The following CD200R1 variants were observed in gnomAD, a reference collection of about 807,000 sequenced individuals.
CD200R1 encodes the protein CD200 receptor 1.
A neutral mutation model predicts 38.1 loss-of-function variants in CD200R1; 30 were observed. The ratio of observed to expected loss-of-function variants is 0.79; its 90% CI spans 0.59 to 1.07. The LOEUF (loss-of-function observed/expected upper bound fraction) is 1.07, where lower values mean the gene tolerates loss of function less well. CD200R1 is among the 50% of genes least tolerant of loss of function. The pLI is 0.00. For missense variants in CD200R1, 372 were observed against 415.4 expected (o/e 0.90, Z 0.91); for synonymous variants, 128 against 152.1 (o/e 0.84, Z 1.16).
chr3:112,962,304 C>A (rs970930283), intron 1 of CD200R1, among the ~76,000 whole-genome samples: 1 of 151,976 alleles, frequency 6.6e-6, no homozygotes, highest in Non-Finnish European at 1.5e-5. Context: ...TCACAAAGGA[C>A]AATACATTCA....
Position 112,929,015 on chromosome 3 carries a change from G to A in CD200R1, c.570C>T (p.Cys190=). The stretch of plus-strand genomic sequence containing the variant: ...CAGCTGGCTTCCCTGCAACTGCCTT[G>A]CATACTGCAGTTCTATTCCTGTTTT... The part of the protein sequence containing the change: ...LFQNRNRTAV[C]KAVAGKPAAH... Residue 190 remains cysteine (C), a synonymous_variant, in exon 5 of 8, where the codon TGC becomes TGT. Transcript: ENST00000308611. The A allele has an allele frequency of 6.2e-7, 1 of 1,613,946 alleles. No homozygotes were observed. Among genetic ancestry groups the A allele is most frequent in the Non-Finnish European group, 8.5e-7 (1 of 1,180,010 alleles).
chr3:112,928,850 A>C lies in CD200R1; in HGVS notation c.735T>G (p.Thr245=). The part of the protein sequence containing the change: ...STVTCHVSHL[T]GNKSLYIELL... ...GCTCTATGTACAGACTCTTGTTGCC[A>C]GTCAAATGGGAGACGTGGCAGGTCA... The change falls in exon 5 of 8, where the codon ACT becomes ACG. Residue 245 remains threonine (T), a synonymous_variant. Coordinates refer to ENST00000308611, the MANE Select transcript of CD200R1 (RefSeq NM_138806.4). The C allele has an allele frequency of 6.2e-7, 1 of 1,613,764 alleles. No homozygotes were observed. The highest frequency in any genetic ancestry group is 8.5e-7 in the Non-Finnish European group (1 of 1,179,934).
At chr3:112,959,145 T>C (rs1033054854) in intron 1 of CD200R1, among the ~76,000 whole-genome samples, 1 of 152,172 alleles carries the variant, frequency 6.6e-6, no homozygotes, top group Non-Finnish European at 1.5e-5. Flanking sequence ...TAAAAACCCC[T>C]AATTCGGTAA....
chr3:112,938,310 T>G (rs1380744131), intron 2 of CD200R1, among the ~76,000 whole-genome samples: 1 of 152,054 alleles, frequency 6.6e-6, no homozygotes, highest in Non-Finnish European at 1.5e-5. Context: ...CCATTCAGTA[T>G]GATATGAGCT....
chr3:112,947,262 T>G (rs961892218), intron 2 of CD200R1, among the ~76,000 whole-genome samples: 1 of 152,170 alleles, frequency 6.6e-6, no homozygotes, highest in Non-Finnish European at 1.5e-5. Context: ...TGACCTCTAA[T>G]GCAAACTTTG....
intron 2 of CD200R1, among the ~76,000 whole-genome samples, chr3:112,938,610 G>A (rs561423053): frequency 6.6e-6 from 1 of 152,070 alleles, no homozygotes; most frequent in East Asian, 1.9e-4. Context: ...AATTAGTAAT[G>A]AAAAGTCTCC....
chr3:112,938,975 G>A (rs1423744216), intron 2 of CD200R1, among the ~76,000 whole-genome samples: 2 of 151,884 alleles, frequency 1.3e-5, no homozygotes, highest in East Asian at 1.9e-4. Flanking sequence ...TATGCAAATC[G>A]ATATTTGTGA....
intron 2 of CD200R1, among the ~76,000 whole-genome samples, chr3:112,946,888 G>C (rs1940875266): frequency 6.6e-6 from 1 of 151,910 alleles, no homozygotes; most frequent in Non-Finnish European, 1.5e-5. Context: ...CAGCCAAGAT[G>C]TCTTTTACCA....
At chr3:112,933,023 T>C (rs1200421427) in intron 2 of CD200R1, among the ~76,000 whole-genome samples, 1 of 152,074 alleles carries the variant, frequency 6.6e-6, no homozygotes, top group Non-Finnish European at 1.5e-5. Context: ...GACTGACAGA[T>C]TGTGCATTCA....
At chr3:112,951,542 CATT>C (rs1576144662) in intron 1 of CD200R1, among the ~76,000 whole-genome samples, 1 of 151,810 alleles carries the variant, frequency 6.6e-6, no homozygotes, top group East Asian at 1.9e-4. Flanking sequence ...TTAAAAAACA[CATT>C]ATGAAATTTT....
chr3:112,958,053 T>G (rs1941141549), intron 1 of CD200R1, among the ~76,000 whole-genome samples: 1 of 152,120 alleles, frequency 6.6e-6, no homozygotes, highest in Non-Finnish European at 1.5e-5. Flanking sequence ...TAAAATAATG[T>G]AAACTACACT....
rs539692081 is a variant in CD200R1, at chr3:112,965,223, AT to A, written c.67+9567del. 1.4e-3 allele frequency among the ~76,000 whole-genome samples: 217 copies of A among 152,346 alleles called. 2 individuals carry two copies. The highest frequency in any genetic ancestry group is 4.8e-3 in the African/African-American group (201 of 41,582). Reference sequence around the variant, plus strand: ...AACCTAAGAATTAAGAAGCTTTGTGATTTGGTAACAAGAAGATCATCAGTGA... The same window carrying A: ...AACCTAAGAATTAAGAAGCTTTGTGATTGGTAACAAGAAGATCATCAGTGA... On this transcript the variant is annotated intron_variant, in intron 1 of 7. Transcript: ENST00000308611.
intron 5 of CD200R1, among the ~76,000 whole-genome samples, chr3:112,926,623 A>T (rs112178204): frequency 0.01 from 1,597 of 152,284 alleles, 21 homozygotes; most frequent in South Asian, 0.03. Flanking sequence ...ACACATAACC[A>T]AGGCACAACT....
chr3:112,966,687 T>G (rs1448563125), intron 1 of CD200R1, among the ~76,000 whole-genome samples: 3 of 152,212 alleles, frequency 2.0e-5, no homozygotes, highest in African/African-American at 4.8e-5. Flanking sequence ...GGAAAAATAT[T>G]TCTTCCAAAT....
chr3:112,954,300 G>T (rs1184041076), intron 1 of CD200R1, among the ~76,000 whole-genome samples: 1 of 152,028 alleles, frequency 6.6e-6, no homozygotes, highest in Non-Finnish European at 1.5e-5. Context: ...ATGTTGGAGG[G>T]GATACTTGAT....
At position 112,929,265 on chromosome 3, in the gene CD200R1, G is replaced by A. The variant is rs776126794; in HGVS notation, c.445C>T (p.His149Tyr). The A allele has an allele frequency of 2.5e-6, 4 of 1,614,054 alleles. No homozygotes were observed. In the African/African-American group the frequency reaches 4.0e-5, roughly 16 times the overall value. Residue 149 changes from histidine to tyrosine, a missense_variant, in exon 4 of 8, where the codon CAT becomes TAT. His to Tyr is a moderately conservative substitution (Grantham distance 83). Coordinates refer to ENST00000308611, the MANE Select transcript of CD200R1 (RefSeq NM_138806.4). ...DLQIRTVAITHDGYYRCIMVT... is the reference protein window; with the variant it reads ...DLQIRTVAITYDGYYRCIMVT... The stretch of plus-strand genomic sequence containing the variant: ...ATTATGCATCTGTAATACCCGTCAT[G>A]AGTGATGGCCACGGTACGAATCTGA...
chr3:112,948,613 G>A (rs760749251), intron 1 of CD200R1, among the ~76,000 whole-genome samples: 7 of 152,268 alleles, frequency 4.6e-5, no homozygotes, highest in Non-Finnish European at 7.4e-5. Flanking sequence ...AGCTCAGGCC[G>A]CAATTCTCAC....
rs1940784792 is a variant in CD200R1, at chr3:112,943,998, TTAA to T, written c.136+3855_136+3857del. 2.6e-5 allele frequency among the ~76,000 whole-genome samples: 4 copies of T among 151,924 alleles called. No homozygotes were observed. In the South Asian group the frequency reaches 8.3e-4, roughly 31 times the overall value. ...TCTATTAAATAAATTGAATCAATAA[TTAA>T]TAACCTTTCAGGACACACAGTACGA... On this transcript the variant is annotated intron_variant, in intron 2 of 7. Coordinates refer to ENST00000308611, the MANE Select transcript of CD200R1 (RefSeq NM_138806.4).
chr3:112,936,970 T>G (rs1940599345), intron 2 of CD200R1, among the ~76,000 whole-genome samples: 1 of 152,202 alleles, frequency 6.6e-6, no homozygotes, highest in South Asian at 2.1e-4. Flanking sequence ...TAATCCATCT[T>G]GAGTTGATTT....
Sources: allele counts gnomAD v4.1 joint callset (sites outside exome capture counted in the v4.1 genomes callset), GRCh38; gene constraint gnomAD v4.1.1; transcripts MANE v1.5; gene names NCBI Gene and HGNC (gene_info 2026-07-23, HGNC 2026-07-21).